Variants in PRMT7 observed in about 807,000 individuals in gnomAD.
PRMT7 encodes protein arginine methyltransferase 7.
In PRMT7, 75 loss-of-function variants were observed where a neutral mutation model predicts 85.4. That is an observed-to-expected ratio of 0.88 (90% CI 0.73 to 1.06). PRMT7 has a LOEUF of 1.06. Ranked by LOEUF, PRMT7 falls within the 50% of genes least tolerant of loss-of-function variation. The pLI is 0.00. For missense variants in PRMT7, 868 were observed against 915.2 expected, an observed-to-expected ratio of 0.95 and a Z score of 0.67; for synonymous variants, 397 against 359.5, an observed-to-expected ratio of 1.10 and a Z score of -1.18.
intron 9 of PRMT7, among the ~76,000 whole-genome samples, chr16:68,343,805 C>T (rs886103637): frequency 2.6e-5 from 4 of 152,160 alleles, no homozygotes; most frequent in African/African-American, 9.7e-5. Flanking sequence ...GCGTCTTAAG[C>T]GTGTGGGAAT....
At chr16:68,312,016 T>C (rs1264043208) in intron 1 of PRMT7, 26 bp from the exon 2 acceptor site, 2 of 151,690 alleles carry the variant, frequency 1.3e-5, no homozygotes, top group Non-Finnish European at 2.9e-5. Flanking sequence ...TTTAATAAAT[T>C]TTGTTATTTT....
At position 68,345,569 on chromosome 16, in the gene PRMT7, A is replaced by G. The variant is rs2086228083; in HGVS notation, c.928-106A>G. ...GCCACAATAGCCAGCTGTAGTCTAC[A>G]TTGTGGACGTCCTGAAAACTGGCAG... On this transcript the variant is annotated intron_variant, in intron 9 of 18. Coordinates refer to ENST00000441236, the MANE Select transcript of PRMT7 (RefSeq NM_019023.5). 4.6e-6 allele frequency: 7 copies of G among 1,507,084 alleles called. No individual in the cohort carries two copies. The Admixed American group carries it at 8.5e-5, about 18-fold the overall frequency. 93.4% of individuals were successfully genotyped at this position (1,507,084 alleles called of 1,614,324 possible). A position where few individuals can be genotyped will look rare whatever the true frequency, so the allele number is the denominator to read the frequency against.
rs143219221 is a variant in PRMT7, at chr16:68,324,708, G to A, written c.158G>A (p.Arg53Gln). ...AATGTAAAATACTACCAAGGTATCC[G>A]GGCTGCCGTGAGCAGGGTGAAGGAC... ...DRNVKYYQGIRAAVSRVKDRG... is the reference protein window; with the variant it reads ...DRNVKYYQGIQAAVSRVKDRG... Residue 53 changes from arginine to glutamine, a missense_variant, in exon 5 of 19, where the codon CGG (arginine) becomes CAG (glutamine). Arg to Gln is a conservative substitution (Grantham distance 43, BLOSUM62 1). Transcript: ENST00000441236. 19 of 1,614,206 alleles carry A rather than the reference G, an allele frequency of 1.2e-5. No individual in the cohort carries two copies. Among genetic ancestry groups the A allele is most frequent in the Non-Finnish European group, 1.6e-5 (19 of 1,180,028 alleles).
At position 68,357,200 on chromosome 16, in the gene PRMT7, C is replaced by A. The variant is rs201945171; in HGVS notation, c.2055C>A (p.Phe685Leu). Residue 685 changes from phenylalanine (F) to leucine (L), a missense_variant, in exon 19 of 19, where the codon TTC (phenylalanine) becomes TTA (leucine). Phe to Leu is a conservative substitution (Grantham distance 22). Coordinates refer to ENST00000441236, the MANE Select transcript of PRMT7 (RefSeq NM_019023.5). ...ACACAGGCGACATCATCATGGAGTTCAGGCATGCAGATACCCCAGACTGAC... is the reference window on the plus strand; with the variant it reads ...ACACAGGCGACATCATCATGGAGTTAAGGCATGCAGATACCCCAGACTGAC... ...HPDTGDIIMEFRHADTPD is the reference protein window; with the variant it reads ...HPDTGDIIMELRHADTPD The A allele has an allele frequency of 6.2e-7, 1 of 1,613,366 alleles. No individual in the cohort carries two copies. Among genetic ancestry groups the A allele is most frequent in the Non-Finnish European group, 8.5e-7 (1 of 1,179,656 alleles).
At chr16:68,326,543 G>A (rs2083143182) in intron 5 of PRMT7, among the ~76,000 whole-genome samples, 2 of 152,174 alleles carry the variant, frequency 1.3e-5, no homozygotes, top group Non-Finnish European at 2.9e-5. Context: ...ACTGCGCCCT[G>A]CCTTGTTCCT....
At chr16:68,323,992 A>C (rs1211613374) in intron 4 of PRMT7, 1 of 152,262 alleles carries the variant, frequency 6.6e-6, no homozygotes, top group Admixed American at 6.5e-5. Context: ...TCTCTGAGTT[A>C]GAGTCGGTAA....
chr16:68,317,228 ACT>A (rs2081966841), intron 3 of PRMT7, among the ~76,000 whole-genome samples: 2 of 100,906 alleles, frequency 2.0e-5, no homozygotes, highest in South Asian at 6.6e-4. Context: ...ACAGAGTGAG[ACT>A]CTGTCTCAAA....
intron 6 of PRMT7, among the ~76,000 whole-genome samples, chr16:68,331,113 C>T (rs1400308817): frequency 6.6e-6 from 1 of 152,196 alleles, no homozygotes; most frequent in Non-Finnish European, 1.5e-5. Context: ...TCAGTCCCCC[C>T]ATATCCTGGT....
chr16:68,345,914 A>T, intron 10 of PRMT7, 112 bp downstream of exon 10: 1 of 1,476,904 alleles, frequency 6.8e-7, no homozygotes, highest in Non-Finnish European at 9.2e-7. Flanking sequence ...TGGACAGAAT[A>T]ACATAAGAAC....
In PRMT7 at chr16:68,357,144, A is replaced by C. The variant is rs201026938; in HGVS notation, c.1999A>C (p.Thr667Pro). Residue 667 changes from threonine (T) to proline (P), a missense_variant, in exon 19 of 19, where the codon ACT becomes CCT. Transcript: ENST00000441236. ...DPRALLGGPR[T>P]VSYAVEFHPD... Reference sequence around the variant, plus strand: ...CAGAGCACTGCTGGGTGGCCCACGGACTGTCAGCTATGCAGTGGAGTTTCA... The same window carrying C: ...CAGAGCACTGCTGGGTGGCCCACGGCCTGTCAGCTATGCAGTGGAGTTTCA... The C allele has an allele frequency of 2.6e-5, 42 of 1,614,024 alleles. No individual in the cohort carries two copies. In the African/African-American group the frequency reaches 3.9e-4, roughly 15 times the overall value.
At position 68,357,446 on chromosome 16, in the gene PRMT7, A is replaced by G; in HGVS notation, c.*222A>G. 2 of 533,842 alleles carry G rather than the reference A, an allele frequency of 3.7e-6. No homozygotes were observed. Among genetic ancestry groups the G allele is most frequent in the Non-Finnish European group, 6.5e-6 (2 of 309,650 alleles). The allele number at this position is 533,842 out of a possible 1,614,324, so 33.1% of individuals were successfully genotyped here. ...AGGGTGACTGAATTTGGAGCCCTGG[A>G]GGGGCTGGGAAGACCCCCCTGCTTG... On this transcript the variant is annotated 3_prime_UTR_variant, in exon 19 of 19. Transcript: ENST00000441236.
Position 68,353,509 on chromosome 16 carries a change from G to T in PRMT7, c.1593G>T (p.Arg531=). The T allele has an allele frequency of 6.2e-7, 1 of 1,609,108 alleles. No individual in the cohort carries two copies. Among genetic ancestry groups the T allele is most frequent in the East Asian group, 2.3e-5 (1 of 44,342 alleles). The change falls in exon 16 of 19, where the codon CGG becomes CGT. Residue 531 remains arginine, a synonymous_variant. Coordinates refer to ENST00000441236, the MANE Select transcript of PRMT7 (RefSeq NM_019023.5). ...CCTCACAGGACCTGTGGCGGATCCGGAGCCCCTGTGGTGACTGCGAAGGCT... is the reference window on the plus strand; with the variant it reads ...CCTCACAGGACCTGTGGCGGATCCGTAGCCCCTGTGGTGACTGCGAAGGCT... ...VVEFRDLWRI[R]SPCGDCEGFD...
rs1386497304 is a variant in PRMT7, at chr16:68,347,284, G to A, written c.1265G>A (p.Gly422Glu). Residue 422 changes from glycine (G) to glutamate (E), a missense_variant, in exon 12 of 19, where the codon GGG becomes GAG. Transcript: ENST00000441236. Reference sequence around the variant, plus strand: ...CTCTCCGTGCTGGCCCATCACCTGGGGGTGGAGCAGGTACTGACATGCACC... The same window carrying A: ...CTCTCCGTGCTGGCCCATCACCTGGAGGTGGAGCAGGTACTGACATGCACC... Reference protein sequence around the residue: ...SLLSVLAHHLGVEQVFTVESS... With the variant: ...SLLSVLAHHLEVEQVFTVESS... 2 of 1,546,082 alleles carry A rather than the reference G, an allele frequency of 1.3e-6. No homozygotes were observed. Among genetic ancestry groups the A allele is most frequent in the South Asian group, 2.4e-5 (2 of 83,684 alleles).
chr16:68,345,170 T>C (rs1418675819), intron 9 of PRMT7, among the ~76,000 whole-genome samples: 2 of 152,228 alleles, frequency 1.3e-5, no homozygotes, highest in Non-Finnish European at 2.9e-5. Flanking sequence ...CAGAAGTCCT[T>C]GATAGCTTTT....
chr16:68,351,912 T>C, intron 14 of PRMT7: 1 of 188,526 alleles, frequency 5.3e-6, no homozygotes, highest in East Asian at 1.4e-4. Flanking sequence ...CATGACCCCC[T>C]TCCTTGCTTT....
chr16:68,359,740 AAC>A (rs1184244312), downstream of PRMT7: 4 of 152,560 alleles, frequency 2.6e-5, 1 homozygote, highest in African/African-American at 9.6e-5. Flanking sequence ...GATTGTCAAA[AAC>A]AGTCCCTCAA....
At chr16:68,337,601 T>G in intron 7 of PRMT7, 30 bp downstream of exon 7, 1 of 1,497,744 alleles carries the variant, frequency 6.7e-7, no homozygotes, top group Non-Finnish European at 9.2e-7. Context: ...CTCAGACGTG[T>G]CTGTGGTCTC....
At position 68,324,821 on chromosome 16, in the gene PRMT7, T is replaced by C; in HGVS notation, c.271T>C (p.Tyr91His). The change falls in exon 5 of 19, where the codon TAT becomes CAT. Residue 91 changes from tyrosine (Y) to histidine (H), a missense_variant. Transcript: ENST00000441236. ...MAVTAGADFC[Y>H]AIEVFKPMAD... ...GGTCACAGCAGGTGCCGACTTCTGC[T>C]ATGCCATCGAGGTAAGCCATTCCCT... is the stretch of plus-strand genomic sequence containing the variant. 1 of 1,614,100 alleles carries C rather than the reference T, an allele frequency of 6.2e-7. No homozygotes were observed. The highest frequency in any genetic ancestry group is 8.5e-7 in the Non-Finnish European group (1 of 1,180,026).
intron 9 of PRMT7, among the ~76,000 whole-genome samples, chr16:68,341,084 G>C (rs1000154493): frequency 6.6e-6 from 1 of 152,204 alleles, no homozygotes; most frequent in African/African-American, 2.4e-5. Flanking sequence ...GACTGCATCT[G>C]GGAATGGGGA....
Sources: gnomAD v4.1 joint callset for allele counts (sites outside exome capture counted in the v4.1 genomes callset) on GRCh38, gnomAD v4.1.1 for gene constraint, MANE v1.5 for transcripts, NCBI Gene and HGNC (gene_info 2026-07-23, HGNC 2026-07-21) for gene names.